Variants in CACNA1H observed in about 807,000 individuals in gnomAD.
The protein encoded by CACNA1H is voltage-dependent T-type calcium channel subunit alpha-1H.
A neutral mutation model predicts 192.5 loss-of-function variants in CACNA1H; 149 were observed. The ratio of observed to expected loss-of-function variants is 0.77; its 90% CI spans 0.68 to 0.89. The LOEUF is 0.89. Ranked by LOEUF, CACNA1H falls within the 40% of genes least tolerant of loss-of-function variation. The pLI is 0.00. For synonymous variants in CACNA1H, 2,202 were observed against 1,475.2 expected, an observed-to-expected ratio of 1.49 and a Z score of -11.29; for missense variants, 4,257 against 3,423.5, an observed-to-expected ratio of 1.24 and a Z score of -6.08.
At chr16:1,200,175 C>G in intron 6 of CACNA1H, 81 bp from the exon 7 acceptor site, 1 of 1,164,944 alleles carries the variant, frequency 8.6e-7, no homozygotes, top group Middle Eastern at 2.0e-4. Flanking sequence ...TTGATCACGT[C>G]CCTGATCACA....
intron 2 of CACNA1H, among the ~76,000 whole-genome samples, chr16:1,194,473 G>A (rs2141188028): frequency 6.6e-6 from 1 of 152,324 alleles, no homozygotes; most frequent in African/African-American, 2.4e-5. Context: ...CACCGTCCAG[G>A]CCTGGAGGGT....
In CACNA1H at chr16:1,200,308, G is replaced by A. The variant is rs760577482; in HGVS notation, c.856G>A (p.Glu286Lys). 17 of 1,606,372 alleles carry A rather than the reference G, an allele frequency of 1.1e-5. No homozygotes were observed. Among genetic ancestry groups the A allele is most frequent in the Middle Eastern group, 1.6e-4 (1 of 6,074 alleles). The change falls in exon 7 of 35, where the codon GAG becomes AAG. Residue 286 changes from glutamate to lysine, a missense_variant. Physicochemically the swap from Glu to Lys is moderately conservative, Grantham distance 56 (BLOSUM62 1). Transcript: ENST00000348261. ...GTACTACCAGACGGAGGAGGGCGAG[G>A]AGAACCCGTTCATCTGCTCCTCACG... is the stretch of plus-strand genomic sequence containing the variant. Reference protein sequence around the residue: ...RPYYQTEEGEENPFICSSRRD... With the variant: ...RPYYQTEEGEKNPFICSSRRD...
rs1360887112 is a variant in CACNA1H, at chr16:1,181,232, G to T, written c.300-13740G>T. 2.0e-5 allele frequency among the ~76,000 whole-genome samples: 3 copies of T among 152,216 alleles called. No homozygotes were observed. In the South Asian group the frequency reaches 6.2e-4, roughly 31 times the overall value. ...GGGGGCCCGCAGCACCCTCATATGG[G>T]GACCAAGATGGGCAAGGGTGAGGCC... On this transcript the variant is annotated intron_variant, in intron 2 of 34. Transcript: ENST00000348261.
At chr16:1,184,059 G>C (rs1405634265) in intron 2 of CACNA1H, among the ~76,000 whole-genome samples, 1 of 152,212 alleles carries the variant, frequency 6.6e-6, no homozygotes, top group African/African-American at 2.4e-5. Context: ...GGCCCATCAG[G>C]CCTAGGTGGA....
intron 2 of CACNA1H, among the ~76,000 whole-genome samples, chr16:1,162,100 C>T (rs1963261938): frequency 6.6e-6 from 1 of 152,120 alleles, no homozygotes; most frequent in Non-Finnish European, 1.5e-5. Flanking sequence ...GCCCTCCTGG[C>T]CTCTGGGTGT....
chr16:1,168,903 G>A (rs1964078828), intron 2 of CACNA1H, among the ~76,000 whole-genome samples: 1 of 152,120 alleles, frequency 6.6e-6, no homozygotes, highest in South Asian at 2.1e-4. Flanking sequence ...CCGCTCTGAA[G>A]TACCCTGGCC....
chr16:1,169,454 C>T (rs943259880), intron 2 of CACNA1H, among the ~76,000 whole-genome samples: 6 of 152,196 alleles, frequency 3.9e-5, no homozygotes, highest in African/African-American at 7.2e-5. Flanking sequence ...CCAGCATGCC[C>T]GCGGCCCCCG....
rs774549565 is a variant in CACNA1H, at chr16:1,200,342, A to G, written c.890A>G (p.Asn297Ser). 5 of 1,602,820 alleles carry G rather than the reference A, an allele frequency of 3.1e-6. No homozygotes were observed. The highest frequency in any genetic ancestry group is 4.5e-5 in the East Asian group (2 of 44,406). Residue 297 changes from asparagine to serine, a missense_variant, in exon 7 of 35, where the codon AAC (asparagine) becomes AGC (serine). Asn to Ser is a conservative substitution (Grantham distance 46). Transcript: ENST00000348261. ...TTCATCTGCTCCTCACGCCGAGACA[A>G]CGGCATGCAGAAGTGCTCGCACATC... Reference protein sequence around the residue: ...NPFICSSRRDNGMQKCSHIPG... With the variant: ...NPFICSSRRDSGMQKCSHIPG...
intron 2 of CACNA1H, among the ~76,000 whole-genome samples, chr16:1,187,458 G>A (rs947930540): frequency 6.6e-6 from 1 of 152,364 alleles, no homozygotes. Context: ...TGCTGTGGGT[G>A]CCTTTCCCGC....
intron 2 of CACNA1H, among the ~76,000 whole-genome samples, chr16:1,183,671 G>T (rs1421057889): frequency 7.9e-5 from 12 of 152,264 alleles, no homozygotes; most frequent in Admixed American, 7.8e-4. Flanking sequence ...AGCTCCCCGG[G>T]CACCGTCCCG....
intron 20 of CACNA1H, 50 bp downstream of exon 20, chr16:1,210,701 C>T (rs365432): frequency 2.5e-6 from 4 of 1,583,292 alleles, no homozygotes; most frequent in South Asian, 2.2e-5. Context: ...CCGTTCTGCC[C>T]TCATCCCCAC....
At chr16:1,194,481 G>A (rs1295792374) in intron 2 of CACNA1H, among the ~76,000 whole-genome samples, 1 of 152,194 alleles carries the variant, frequency 6.6e-6, no homozygotes, top group Non-Finnish European at 1.5e-5. Flanking sequence ...AGGCCTGGAG[G>A]GTGGGACGGG....
At chr16:1,187,163 G>A (rs1056805528) in intron 2 of CACNA1H, among the ~76,000 whole-genome samples, 2 of 152,258 alleles carry the variant, frequency 1.3e-5, no homozygotes, top group Admixed American at 6.5e-5. Context: ...TGAGCAAATT[G>A]GAAAAGTAAG....
chr16:1,154,761 G>A (rs1415567317), intron 2 of CACNA1H, among the ~76,000 whole-genome samples: 2 of 152,220 alleles, frequency 1.3e-5, no homozygotes, highest in South Asian at 2.1e-4. Context: ...CGGCCAGAGC[G>A]GCACAGACTG....
chr16:1,210,711 C>T (rs1031782947), intron 20 of CACNA1H, 60 bp downstream of exon 20: 1 of 1,577,080 alleles, frequency 6.3e-7, no homozygotes, highest in Non-Finnish European at 8.6e-7. Context: ...CTCATCCCCA[C>T]CCCCACCCAG....
intron 2 of CACNA1H, among the ~76,000 whole-genome samples, chr16:1,165,732 C>G (rs540132259): frequency 6.6e-6 from 1 of 152,238 alleles, no homozygotes; most frequent in African/African-American, 2.4e-5. Flanking sequence ...CACCCCGGCT[C>G]ACAGTGCGGG....
chr16:1,207,465 G>A, intron 14 of CACNA1H, 35 bp downstream of exon 14: 1 of 1,603,966 alleles, frequency 6.2e-7, no homozygotes, highest in Non-Finnish European at 8.5e-7. Context: ...CCAGGAGGAG[G>A]GCGATGAGAA....
chr16:1,198,878 T>A, intron 6 of CACNA1H, 104 bp downstream of exon 6: 1 of 1,117,726 alleles, frequency 8.9e-7, no homozygotes, highest in Non-Finnish European at 1.3e-6. Context: ...CTGCCCACCG[T>A]GCAGTCACCC....
chr16:1,218,428 C>G lies in CACNA1H; in HGVS notation c.5664C>G (p.Pro1888=), dbSNP rs761380706. 1.9e-6 allele frequency: 3 copies of G among 1,553,002 alleles called. No individual in the cohort carries two copies. In the African/African-American group the frequency reaches 4.1e-5, roughly 21 times the overall value. ...AEIELEMAQG[P]GSARRVDADR... is the part of the protein sequence containing the mutation. ...TCGAGCTGGAGATGGCGCAGGGCCCCGGGAGTGCACGCCGGGTGGACGCGG... is the reference window on the plus strand; with the variant it reads ...TCGAGCTGGAGATGGCGCAGGGCCCGGGGAGTGCACGCCGGGTGGACGCGG... The change falls in exon 33 of 35, where the codon CCC becomes CCG. Residue 1888 remains proline, a synonymous_variant. Coordinates refer to ENST00000348261, the MANE Select transcript of CACNA1H (RefSeq NM_021098.3).
Sources: gnomAD v4.1 joint callset for allele counts (sites outside exome capture counted in the v4.1 genomes callset) on GRCh38, gnomAD v4.1.1 for gene constraint, MANE v1.5 for transcripts, NCBI Gene and HGNC (gene_info 2026-07-23, HGNC 2026-07-21) for gene names.